The following RANBP3 variants were observed in gnomAD, a reference collection of about 807,000 sequenced individuals.
RANBP3 encodes the protein ran-binding protein 3.
In RANBP3, 14 loss-of-function variants were observed where a neutral mutation model predicts 77.3. The observed-to-expected ratio is 0.18, with a 90% CI of 0.12 to 0.28. The LOEUF (loss-of-function observed/expected upper bound fraction) is 0.28, where lower values mean the gene tolerates loss of function less well. Among genes scored for constraint, RANBP3 ranks in the 10% least tolerant of loss-of-function variants. The probability of loss-of-function intolerance (pLI) is 1.00; values close to 1 mark genes in which losing one functional copy is unlikely to be tolerated. For synonymous variants in RANBP3, 315 were observed against 312.4 expected, an observed-to-expected ratio of 1.01 and a Z score of -0.09; for missense variants, 586 against 752.3, an observed-to-expected ratio of 0.78 and a Z score of 2.59.
chr19:5,928,113 G>T, intron 8 of RANBP3, 26 bp from the exon 9 acceptor site: 1 of 1,602,666 alleles, frequency 6.2e-7, no homozygotes. Flanking sequence ...ACAAAACAGA[G>T]TAATCAAAAC....
intron 1 of RANBP3, among the ~76,000 whole-genome samples, chr19:5,968,146 C>G (rs896304923): frequency 3.9e-5 from 6 of 152,242 alleles, no homozygotes; most frequent in African/African-American, 9.6e-5. Flanking sequence ...ATGCAAGTGG[C>G]TGAAGACTCG....
rs189336122 is a variant in RANBP3, at chr19:5,960,216, C to A, written c.23-2243G>T. Among the ~76,000 whole-genome samples the A allele has an allele frequency of 2.5e-4, 38 of 152,212 alleles. No individual in the cohort carries two copies. The East Asian group carries it at 7.3e-3, about 29-fold the overall frequency. Reference sequence around the variant, plus strand: ...AAGCTTGGCCCAAAGCTAACTCTGCCCCCAGACTTTTCAGTGAAGCCAATC... The same window carrying A: ...AAGCTTGGCCCAAAGCTAACTCTGCACCCAGACTTTTCAGTGAAGCCAATC... On this transcript the variant is annotated intron_variant, in intron 1 of 16. Coordinates refer to ENST00000340578, the MANE Select transcript of RANBP3 (RefSeq NM_007322.3).
Position 5,931,550 on chromosome 19 carries a change from GT to G in RANBP3, c.566-20del. On this transcript the variant is annotated intron_variant, in intron 7 of 16. Coordinates refer to ENST00000340578, the MANE Select transcript of RANBP3 (RefSeq NM_007322.3). The stretch of plus-strand genomic sequence containing the variant: ...CTGGGGACTGTGGGAGGGAAGGAGA[GT>G]GGGGAATCACAGGTGCTTGGCGGCC... 6.3e-7 allele frequency: 1 copy of G among 1,596,300 alleles called. No homozygotes were observed. The highest frequency in any genetic ancestry group is 2.3e-5 in the East Asian group (1 of 44,432).
intron 1 of RANBP3, among the ~76,000 whole-genome samples, chr19:5,961,560 C>T (rs2058402419): frequency 6.6e-6 from 1 of 152,058 alleles, no homozygotes; most frequent in Non-Finnish European, 1.5e-5. Flanking sequence ...TGGAGAAACC[C>T]CTTCTCTACT....
chr19:5,964,928 T>C (rs1568479566), intron 1 of RANBP3, among the ~76,000 whole-genome samples: 2 of 150,374 alleles, frequency 1.3e-5, no homozygotes, highest in Non-Finnish European at 3.0e-5. Context: ...TATACCTGCA[T>C]GTGTCAGTGT....
Position 5,924,477 on chromosome 19 carries a change from C to T in RANBP3, c.996+350G>A, listed in dbSNP as rs910787955. On this transcript the variant is annotated intron_variant, in intron 11 of 16. Coordinates refer to ENST00000340578, the MANE Select transcript of RANBP3 (RefSeq NM_007322.3). This position sits in a 1 kb window ranked among gnomAD's most constrained non-coding sequence, Gnocchi z 4.7. Reference sequence around the variant, plus strand: ...AGGCCAGCAACCCTGTCCACCAGCACGGCTGGCTCCGTCCCACAGGACTTT... The same window carrying T: ...AGGCCAGCAACCCTGTCCACCAGCATGGCTGGCTCCGTCCCACAGGACTTT... 1.2e-4 allele frequency among the ~76,000 whole-genome samples: 19 copies of T among 152,370 alleles called. No homozygotes were observed. Among genetic ancestry groups the T allele is most frequent in the Non-Finnish European group, 1.2e-4 (8 of 68,044 alleles).
rs1261418882 is a variant in RANBP3 at position 5,921,507 on chromosome 19, C to A, written c.1210-186G>T. Among the ~76,000 whole-genome samples, 1 of 152,178 alleles carries A rather than the reference C, an allele frequency of 6.6e-6. No homozygotes were observed. Among genetic ancestry groups the A allele is most frequent in the Non-Finnish European group, 1.5e-5 (1 of 68,032 alleles). ...AGGCTTTACATTGTATAAGGGGTAT[C>A]TGAAATTAAAAGAATCACTAAGGAA... On this transcript the variant is annotated intron_variant, in intron 13 of 16. Coordinates refer to ENST00000340578, the MANE Select transcript of RANBP3 (RefSeq NM_007322.3). This position sits in a 1 kb window ranked among gnomAD's most constrained non-coding sequence, Gnocchi z 5.3.
chr19:5,951,548 C>G lies in RANBP3; in HGVS notation c.127G>C (p.Gly43Arg), dbSNP rs543459292. The change falls in exon 3 of 17, where the codon GGG becomes CGG. Residue 43 changes from glycine to arginine, a missense_variant. By Grantham distance (125) the Gly-to-Arg change is moderately radical. This residue lies in a region of RANBP3 where 172 missense variants were observed against 183.4 expected (regional missense o/e 0.94). Coordinates refer to ENST00000340578, the MANE Select transcript of RANBP3 (RefSeq NM_007322.3). ...NLSDSGEEPRGEAEAPHHGTG... is the reference protein window; with the variant it reads ...NLSDSGEEPRREAEAPHHGTG... ...CCATGGTGGGGGGCCTCAGCCTCCCCCCGAGGCTCCTCTCCCGAATCCGAC... is the reference window on the plus strand; with the variant it reads ...CCATGGTGGGGGGCCTCAGCCTCCCGCCGAGGCTCCTCTCCCGAATCCGAC... 2 of 1,613,074 alleles carry G rather than the reference C, an allele frequency of 1.2e-6. No homozygotes were observed. The highest frequency in any genetic ancestry group is 1.7e-6 in the Non-Finnish European group (2 of 1,179,514).
At chr19:5,949,710 A>G (rs1303375972) in intron 3 of RANBP3, among the ~76,000 whole-genome samples, 3 of 152,218 alleles carry the variant, frequency 2.0e-5, no homozygotes, top group African/African-American at 7.2e-5. Context: ...TCTCAGGATC[A>G]GAGCCTCAGA....
At chr19:5,948,977 G>T (rs574972034) in intron 3 of RANBP3, among the ~76,000 whole-genome samples, 342 of 152,180 alleles carry the variant, frequency 2.2e-3, no homozygotes, top group Non-Finnish European at 4.2e-3. Flanking sequence ...CTGATATATA[G>T]AGACTTTTTC....
chr19:5,956,097 G>C (rs545547493), intron 2 of RANBP3, among the ~76,000 whole-genome samples: 1 of 152,036 alleles, frequency 6.6e-6, no homozygotes, highest in Non-Finnish European at 1.5e-5. Context: ...AAAGAGTGAG[G>C]CTCCGTCTCT....
chr19:5,960,236 C>T (rs575793999), intron 1 of RANBP3, among the ~76,000 whole-genome samples: 8 of 152,330 alleles, frequency 5.3e-5, no homozygotes, highest in African/African-American at 1.9e-4. Flanking sequence ...TTCAGTGAAG[C>T]CAATCAGTGC....
intron 1 of RANBP3, chr19:5,965,867 T>G (rs1156832974): frequency 6.6e-6 from 1 of 152,290 alleles, no homozygotes; most frequent in Non-Finnish European, 1.5e-5. Context: ...AGGTTTTATC[T>G]GCATCATGTC....
rs371856528 is a variant in RANBP3 at position 5,952,197 on chromosome 19, A to G, written c.79-601T>C. Among the ~76,000 whole-genome samples the G allele has an allele frequency of 1.9e-4, 29 of 152,180 alleles. No homozygotes were observed. Among genetic ancestry groups the G allele is most frequent in the African/African-American group, 5.1e-4 (21 of 41,516 alleles). ...GTGCTTTCCCACCTCGGTGAGTGCA[A>G]GTGTGGGGTGACATGGACACTGAGA... On this transcript the variant is annotated intron_variant, in intron 2 of 16. Coordinates refer to ENST00000340578, the MANE Select transcript of RANBP3 (RefSeq NM_007322.3). This position sits in a 1 kb window ranked among gnomAD's most constrained non-coding sequence, Gnocchi z 4.1.
intron 1 of RANBP3, among the ~76,000 whole-genome samples, chr19:5,972,100 T>C (rs1568484310): frequency 6.6e-6 from 1 of 152,256 alleles, no homozygotes; most frequent in African/African-American, 2.4e-5. Flanking sequence ...TAAATATGTC[T>C]GCTTGCCCTT....
chr19:5,970,617 C>A (rs2058519193), intron 1 of RANBP3, among the ~76,000 whole-genome samples: 1 of 152,096 alleles, frequency 6.6e-6, no homozygotes, highest in African/African-American at 2.4e-5. Context: ...CTCCAAAGCA[C>A]AAGATGGCCA....
At chr19:5,955,417 A>C (rs2058324341) in intron 2 of RANBP3, among the ~76,000 whole-genome samples, 1 of 152,138 alleles carries the variant, frequency 6.6e-6, no homozygotes, top group South Asian at 2.1e-4. Context: ...TTGCATTTTT[A>C]AAAATGCCTT....
Position 5,920,667 on chromosome 19 carries a change from C to T in RANBP3, c.1330+534G>A, listed in dbSNP as rs571074394. Among the ~76,000 whole-genome samples, 217 of 152,268 alleles carry T rather than the reference C, an allele frequency of 1.4e-3. 1 individual carries two copies. Among genetic ancestry groups the T allele is most frequent in the African/African-American group, 4.8e-3 (199 of 41,552 alleles). On this transcript the variant is annotated intron_variant, in intron 14 of 16. Coordinates refer to ENST00000340578, the MANE Select transcript of RANBP3 (RefSeq NM_007322.3). ...AGTTCACGCAATTCTCCTGCCTCAG[C>T]CTCCCGAGTAGCTGGGATTACAGAC...
At chr19:5,920,296 G>A (rs1377321632) in intron 14 of RANBP3, among the ~76,000 whole-genome samples, 1 of 152,172 alleles carries the variant, frequency 6.6e-6, no homozygotes, top group Non-Finnish European at 1.5e-5. Context: ...CTACTCAGGA[G>A]GCTGAGGTGG....
Sources: allele counts gnomAD v4.1 joint callset (sites outside exome capture counted in the v4.1 genomes callset), GRCh38; gene constraint gnomAD v4.1.1; regional missense constraint gnomAD v4.1.1; non-coding constraint Gnocchi (gnomAD v3.1); transcripts MANE v1.5; gene names NCBI Gene and HGNC (gene_info 2026-07-23, HGNC 2026-07-21).